SERPINH1: variants seen among roughly 807,000 people sequenced by gnomAD.
SERPINH1 encodes serpin family H member 1.
SERPINH1 carries 22 observed loss-of-function variants against 32.3 expected under a neutral mutation model. The ratio of observed to expected loss-of-function variants is 0.68; its 90% confidence interval spans 0.49 to 0.97. The LOEUF (loss-of-function observed/expected upper bound fraction) is 0.97. Ranked by LOEUF, SERPINH1 falls within the 50% of genes least tolerant of loss-of-function variation. The probability of loss-of-function intolerance (pLI) is 0.00; values close to 1 mark genes in which losing one functional copy is unlikely to be tolerated. For missense variants in SERPINH1, 543 were observed against 576.4 expected (o/e 0.94, Z 0.59); for synonymous variants, 251 against 245.9 (o/e 1.02, Z -0.19).
At chr11:75,570,304 T>A (rs1316915998) in intron 4 of SERPINH1, among the ~76,000 whole-genome samples, 1 of 152,176 alleles carries the variant, frequency 6.6e-6, no homozygotes, top group East Asian at 1.9e-4. Context: ...GAAGTGGGGC[T>A]TAGGCTCCAA....
intron 4 of SERPINH1, among the ~76,000 whole-genome samples, chr11:75,569,781 T>G (rs188323812): frequency 6.9e-4 from 105 of 152,294 alleles, no homozygotes; most frequent in African/African-American, 2.3e-3. Context: ...GGACTATAAG[T>G]TTCATCTTAG....
intron 4 of SERPINH1, among the ~76,000 whole-genome samples, chr11:75,570,471 G>A (rs1942178157): frequency 6.6e-6 from 1 of 152,100 alleles, no homozygotes; most frequent in Admixed American, 6.5e-5. Flanking sequence ...TTCCTCTGGT[G>A]TCTTCCTGGA....
chr11:75,568,756 C>G lies in SERPINH1; in HGVS notation c.648C>G (p.His216Gln). Reference sequence around the variant, plus strand: ...CACACTGGGATGAGAAATTCCACCACAAGATGGTGGACAACCGTGGCTTCA... The same window carrying G: ...CACACTGGGATGAGAAATTCCACCAGAAGATGGTGGACAACCGTGGCTTCA... Reference protein sequence around the residue: ...FKPHWDEKFHHKMVDNRGFMV... With the variant: ...FKPHWDEKFHQKMVDNRGFMV... The change falls in exon 3 of 5, where the codon CAC (histidine) becomes CAG (glutamine). Residue 216 changes from histidine (H) to glutamine (Q), a missense_variant. Around this residue, in one of 3 missense-constraint regions of SERPINH1, gnomAD observed 427 missense variants for 446.4 expected, o/e 0.96. Coordinates refer to ENST00000358171, the MANE Select transcript of SERPINH1 (RefSeq NM_001235.5). 2 of 1,613,182 alleles carry G rather than the reference C, an allele frequency of 1.2e-6. No homozygotes were observed. The highest frequency in any genetic ancestry group is 1.7e-6 in the Non-Finnish European group (2 of 1,179,606).
chr11:75,566,313 C>T lies in SERPINH1; in HGVS notation c.-34-3C>T. The T allele has an allele frequency of 6.3e-7, 1 of 1,593,826 alleles. No individual in the cohort carries two copies. Among genetic ancestry groups the T allele is most frequent in the South Asian group, 1.1e-5 (1 of 87,710 alleles). ...GACCACCCTGTCTGTGCAATCCTCA[C>T]AGGCCCACCGTGGTGCACGCAAACC... On this transcript the variant is annotated splice_region_variant and splice_polypyrimidine_tract_variant and intron_variant, in intron 1 of 4. Coordinates refer to ENST00000358171, the MANE Select transcript of SERPINH1 (RefSeq NM_001235.5).
intron 2 of SERPINH1, 36 bp downstream of exon 2, chr11:75,567,007 C>A: frequency 6.3e-7 from 1 of 1,585,010 alleles, no homozygotes. Context: ...CCTCCTCCTC[C>A]TCCCAGGACC....
In SERPINH1 at chr11:75,572,262, A is replaced by G. The variant is rs557446600; in HGVS notation, c.*179A>G. 1.1e-3 allele frequency: 755 copies of G among 672,444 alleles called. No individual in the cohort carries two copies. Among genetic ancestry groups the G allele is most frequent in the Non-Finnish European group, 1.8e-3 (662 of 375,094 alleles). 41.7% of individuals were successfully genotyped at this position (672,444 alleles called of 1,614,324 possible). Reference sequence around the variant, plus strand: ...GACCTTCCCAGCTAGAATTCACTCCACTTGGACATGGGCCCCAGATACCAT... The same window carrying G: ...GACCTTCCCAGCTAGAATTCACTCCGCTTGGACATGGGCCCCAGATACCAT... On this transcript the variant is annotated 3_prime_UTR_variant, in exon 5 of 5. Transcript: ENST00000358171.
chr11:75,569,970 G>C (rs1042592236), intron 4 of SERPINH1, among the ~76,000 whole-genome samples: 3 of 151,572 alleles, frequency 2.0e-5, no homozygotes, highest in African/African-American at 7.3e-5. Flanking sequence ...TAATCAGACT[G>C]GTAGCTATGG....
At chr11:75,569,963 T>G (rs759352946) in intron 4 of SERPINH1, among the ~76,000 whole-genome samples, 14 of 151,552 alleles carry the variant, frequency 9.2e-5, no homozygotes, top group Non-Finnish European at 1.9e-4. Flanking sequence ...CATCCAATAA[T>G]CAGACTGGTA....
rs760125834 is a variant in SERPINH1, at chr11:75,571,841, C to T, written c.1015C>T (p.Arg339Cys). Residue 339 changes from arginine to cysteine, a missense_variant, in exon 5 of 5, where the codon CGC becomes TGC. Coordinates refer to ENST00000358171, the MANE Select transcript of SERPINH1 (RefSeq NM_001235.5). The stretch of plus-strand genomic sequence containing the variant: ...TGACAAGAACAAGGCCGACTTGTCA[C>T]GCATGTCAGGCAAGAAGGACCTGTA... ...AIDKNKADLSRMSGKKDLYLA... is the reference protein window; with the variant it reads ...AIDKNKADLSCMSGKKDLYLA... 4.9e-5 allele frequency: 79 copies of T among 1,614,160 alleles called. No individual in the cohort carries two copies. Among genetic ancestry groups the T allele is most frequent in the South Asian group, 3.2e-4 (29 of 91,086 alleles).
intron 1 of SERPINH1, chr11:75,563,201 G>A (rs1429676883): frequency 6.6e-6 from 1 of 152,322 alleles, no homozygotes; most frequent in Admixed American, 6.5e-5. Flanking sequence ...CTGAAGAGCA[G>A]GAAGGAGAAT....
chr11:75,566,221 C>G, intron 1 of SERPINH1, 95 bp from the exon 2 acceptor site: 1 of 1,154,956 alleles, frequency 8.7e-7, no homozygotes, highest in East Asian at 2.6e-5. Context: ...TTGCCCCCAT[C>G]TCCAGGGGAC....
intron 2 of SERPINH1, chr11:75,568,459 G>A (rs940383232): frequency 3.9e-6 from 2 of 509,260 alleles, no homozygotes; most frequent in African/African-American, 3.9e-5. Flanking sequence ...TGGCTGACCT[G>A]AGGGCGGAAT....
rs1336359455 is a variant in SERPINH1 at position 75,572,606 on chromosome 11, G to A, written c.*523G>A. 7 of 180,144 alleles carry A rather than the reference G, an allele frequency of 3.9e-5. No homozygotes were observed. The East Asian group carries it at 8.0e-4, about 21-fold the overall frequency. The allele number at this position is 180,144 out of a possible 1,614,324, so 11.2% of individuals were successfully genotyped here. A position where few individuals can be genotyped will look rare whatever the true frequency, so the allele number is the denominator to read the frequency against. ...AAGGAGCTCCCAGGAGGGGCTTCTGGGCAGACTCTGGTCAAGAAGCATCGT... is the reference window on the plus strand; with the variant it reads ...AAGGAGCTCCCAGGAGGGGCTTCTGAGCAGACTCTGGTCAAGAAGCATCGT... On this transcript the variant is annotated 3_prime_UTR_variant, in exon 5 of 5. Coordinates refer to ENST00000358171, the MANE Select transcript of SERPINH1 (RefSeq NM_001235.5).
intron 4 of SERPINH1, among the ~76,000 whole-genome samples, chr11:75,569,730 G>A (rs759287502): frequency 1.3e-5 from 2 of 152,060 alleles, no homozygotes; most frequent in African/African-American, 4.8e-5. Flanking sequence ...GCCTTTATAC[G>A]TATTAAACTC....
chr11:75,569,242 C>A, intron 4 of SERPINH1, 71 bp downstream of exon 4: 1 of 1,140,186 alleles, frequency 8.8e-7, no homozygotes, highest in Non-Finnish European at 1.3e-6. Context: ...GACCCACTCA[C>A]CAATTCAGCA....
intron 4 of SERPINH1, 118 bp downstream of exon 4, chr11:75,569,289 CTGGGCTCTGTGA>C (rs1361251261): frequency 1.4e-6 from 1 of 731,362 alleles, no homozygotes; most frequent in African/African-American, 1.8e-5. Context: ...CCAGGCAGTG[CTGGGCTCTGTGA>C]TGGGGGAAGC....
At chr11:75,563,959 T>C (rs56102084) in intron 1 of SERPINH1, among the ~76,000 whole-genome samples, 3,720 of 152,342 alleles carry the variant, frequency 0.024, 66 homozygotes, top group Non-Finnish European at 0.036. Context: ...TGTGGCAAGA[T>C]GGGCTGGGCT....
At chr11:75,569,196 C>T (rs1311527039) in intron 4 of SERPINH1, 25 bp downstream of exon 4, 2 of 1,552,606 alleles carry the variant, frequency 1.3e-6, no homozygotes, top group Admixed American at 1.9e-5. Flanking sequence ...AGCCTAGGGG[C>T]CTGCAGGCCT....
chr11:75,566,202 T>TG (rs1942068420), intron 1 of SERPINH1, 114 bp from the exon 2 acceptor site: 2 of 906,620 alleles, frequency 2.2e-6, no homozygotes, highest in South Asian at 3.1e-5. Context: ...TCCTGGACTG[T>TG]GGGCTCTCTT....
Sources: allele counts gnomAD v4.1 joint callset (sites outside exome capture counted in the v4.1 genomes callset), GRCh38; gene constraint gnomAD v4.1.1; regional missense constraint gnomAD v4.1.1; transcripts MANE v1.5; gene names NCBI Gene and HGNC (gene_info 2026-07-23, HGNC 2026-07-21).